Variants in ANKS1B observed in about 807,000 individuals in gnomAD.
The protein encoded by ANKS1B is ankyrin repeat and sterile alpha motif domain-containing protein 1B.
A neutral mutation model predicts 148.3 loss-of-function variants in ANKS1B; 36 were observed. The ratio of observed to expected loss-of-function variants is 0.24; its 90% confidence interval spans 0.19 to 0.32. The LOEUF is 0.32. ANKS1B is among the 10% of genes least tolerant of loss of function. The pLI is 1.00. For synonymous variants in ANKS1B, 542 were observed against 560.8 expected, an observed-to-expected ratio of 0.97 and a Z score of 0.47; for missense variants, 1,157 against 1,542.6, an observed-to-expected ratio of 0.75 and a Z score of 4.19.
intron 12 of ANKS1B, among the ~76,000 whole-genome samples, chr12:99,303,605 G>A (rs1264681128): frequency 6.6e-6 from 1 of 152,022 alleles, no homozygotes; most frequent in Non-Finnish European, 1.5e-5. Context: ...CAAAGTAGAA[G>A]AACACAGAGA....
chr12:99,569,477 C>T (rs541548610), intron 9 of ANKS1B, among the ~76,000 whole-genome samples: 8 of 152,248 alleles, frequency 5.3e-5, no homozygotes, highest in African/African-American at 1.7e-4. Flanking sequence ...GTAAAATACC[C>T]GGCACATAAA....
chr12:99,208,006 T>C (rs373727620), intron 14 of ANKS1B, among the ~76,000 whole-genome samples: 2 of 152,252 alleles, frequency 1.3e-5, no homozygotes, highest in Admixed American at 6.5e-5. Flanking sequence ...AGTATACTGA[T>C]ATAAAACTAG....
intron 9 of ANKS1B, chr12:99,648,601 G>A (rs746806048): frequency 1.8e-5 from 29 of 1,614,086 alleles, no homozygotes; most frequent in Non-Finnish European, 2.5e-5. Flanking sequence ...CCTGAAGCTT[G>A]CCACGGGCCG....
chr12:98,787,575 AG>A (rs2098807033), intron 22 of ANKS1B, among the ~76,000 whole-genome samples: 1 of 152,174 alleles, frequency 6.6e-6, no homozygotes, highest in Non-Finnish European at 1.5e-5. Flanking sequence ...TGACTGTTAA[AG>A]GAACAGGCCA....
At chr12:99,522,931 C>A (rs2096889457) in intron 9 of ANKS1B, among the ~76,000 whole-genome samples, 1 of 152,136 alleles carries the variant, frequency 6.6e-6, no homozygotes, top group African/African-American at 2.4e-5. Flanking sequence ...ATCAAAGAGA[C>A]TGGGGGAGAC....
At chr12:98,922,424 C>T (rs978688755) in intron 17 of ANKS1B, among the ~76,000 whole-genome samples, 5 of 152,160 alleles carry the variant, frequency 3.3e-5, no homozygotes, top group Non-Finnish European at 7.3e-5. Flanking sequence ...ATTACTTCAC[C>T]AGAAAAGGTA....
chr12:99,596,325 G>A (rs572367191), intron 9 of ANKS1B, among the ~76,000 whole-genome samples: 1 of 151,762 alleles, frequency 6.6e-6, no homozygotes, highest in African/African-American at 2.4e-5. Flanking sequence ...TGGCTTGAAG[G>A]TGCATTACCC....
chr12:99,610,365 T>C (rs944575985), intron 9 of ANKS1B, among the ~76,000 whole-genome samples: 3 of 152,082 alleles, frequency 2.0e-5, no homozygotes, highest in African/African-American at 7.2e-5. Context: ...CTCATGGGTA[T>C]AGGGCAAGAC....
At chr12:99,234,890 T>C (rs1176212271) in intron 14 of ANKS1B, among the ~76,000 whole-genome samples, 1 of 152,098 alleles carries the variant, frequency 6.6e-6, no homozygotes, top group Non-Finnish European at 1.5e-5. Flanking sequence ...GGGAAAAAAC[T>C]GCAACTCAGC....
At chr12:98,857,577 C>T (rs1475226241) in intron 17 of ANKS1B, among the ~76,000 whole-genome samples, 2 of 148,950 alleles carry the variant, frequency 1.3e-5, no homozygotes, top group Admixed American at 1.4e-4. Context: ...TACGTTCTAA[C>T]AGAACATGCC....
intron 12 of ANKS1B, among the ~76,000 whole-genome samples, chr12:99,317,112 G>T (rs928444205): frequency 3.9e-5 from 6 of 152,136 alleles, no homozygotes; most frequent in African/African-American, 9.7e-5. Flanking sequence ...GATGCCTCCA[G>T]GTTTGTTCTT....
At chr12:98,863,212 TG>T (rs1358356698) in intron 17 of ANKS1B, among the ~76,000 whole-genome samples, 2 of 152,202 alleles carry the variant, frequency 1.3e-5, no homozygotes, top group Non-Finnish European at 2.9e-5. Flanking sequence ...TTCCTCCTAA[TG>T]GTAAGTGTTT....
At chr12:99,591,158 C>T (rs1357713164) in intron 9 of ANKS1B, among the ~76,000 whole-genome samples, 2 of 151,860 alleles carry the variant, frequency 1.3e-5, no homozygotes, top group African/African-American at 2.4e-5. Context: ...TATCTGGTGG[C>T]TAGTTTTTGT....
At chr12:99,324,116 G>C (rs955911903) in intron 12 of ANKS1B, among the ~76,000 whole-genome samples, 9 of 152,020 alleles carry the variant, frequency 5.9e-5, no homozygotes, top group African/African-American at 2.2e-4. Flanking sequence ...CCAAGTTAAT[G>C]AGCTATTTAT....
At chr12:98,749,089 T>G (rs2153383471) in intron 26 of ANKS1B, among the ~76,000 whole-genome samples, 1 of 152,212 alleles carries the variant, frequency 6.6e-6, no homozygotes, top group East Asian at 1.9e-4. Flanking sequence ...GGGGTCCCTG[T>G]GTGCATGAAA....
chr12:99,574,959 C>T lies in ANKS1B; in HGVS notation c.1273-70318G>A, dbSNP rs561597725. Among the ~76,000 whole-genome samples the T allele has an allele frequency of 5.3e-5, 8 of 152,158 alleles. No homozygotes were observed. The South Asian group carries it at 1.7e-3, about 32-fold the overall frequency. ...CTAAACAGATAAGAAGTATACACATCAGAAAGAAAGCAATAAAATTATCTT... is the reference window on the plus strand; with the variant it reads ...CTAAACAGATAAGAAGTATACACATTAGAAAGAAAGCAATAAAATTATCTT... On this transcript the variant is annotated intron_variant, in intron 9 of 26. Transcript: ENST00000683438.
intron 17 of ANKS1B, among the ~76,000 whole-genome samples, chr12:98,882,623 A>G (rs961614470): frequency 6.6e-6 from 1 of 152,174 alleles, no homozygotes; most frequent in African/African-American, 2.4e-5. Context: ...TTTAATCACT[A>G]TCAATGTGGC....
At chr12:99,924,581 G>T (rs1407325440) in intron 1 of ANKS1B, among the ~76,000 whole-genome samples, 1 of 152,082 alleles carries the variant, frequency 6.6e-6, no homozygotes, top group African/African-American at 2.4e-5. Context: ...CAAGATAATG[G>T]TATTAAGAGG....
chr12:98,871,006 TAA>T (rs956622429), intron 17 of ANKS1B, among the ~76,000 whole-genome samples: 6 of 152,232 alleles, frequency 3.9e-5, no homozygotes, highest in African/African-American at 1.4e-4. Flanking sequence ...TCTCATCTGA[TAA>T]AAATTTCTTC....
Sources: gnomAD v4.1 joint callset for allele counts (sites outside exome capture counted in the v4.1 genomes callset) on GRCh38, gnomAD v4.1.1 for gene constraint, MANE v1.5 for transcripts, NCBI Gene and HGNC (gene_info 2026-07-23, HGNC 2026-07-21) for gene names.